Variants in SHISA9 observed in about 807,000 individuals in gnomAD.
SHISA9 encodes the protein shisa family member 9.
A neutral mutation model predicts 38.0 loss-of-function variants in SHISA9; 13 were observed. The ratio of observed to expected loss-of-function variants is 0.34; its 90% confidence interval spans 0.22 to 0.54. SHISA9 has a LOEUF of 0.54. Ranked by LOEUF, SHISA9 falls within the 20% of genes least tolerant of loss-of-function variation. The pLI, the probability that SHISA9 is intolerant of heterozygous loss-of-function variation, is 0.91. For synonymous variants in SHISA9, 275 were observed against 242.0 expected, an observed-to-expected ratio of 1.14 and a Z score of -1.27; for missense variants, 538 against 575.8, an observed-to-expected ratio of 0.93 and a Z score of 0.67.
chr16:13,008,978 C>A (rs2072636572), intron 2 of SHISA9, among the ~76,000 whole-genome samples: 2 of 151,962 alleles, frequency 1.3e-5, no homozygotes, highest in African/African-American at 4.8e-5. Context: ...ATCCACAGTT[C>A]CAAAGTCTTT....
At chr16:12,983,009 C>T (rs2072260780) in intron 2 of SHISA9, among the ~76,000 whole-genome samples, 1 of 152,298 alleles carries the variant, frequency 6.6e-6, no homozygotes, top group Admixed American at 6.5e-5. Flanking sequence ...CACAGCTACT[C>T]TTGTGAGGTG....
chr16:13,535,777 A>G, the SHISA9 span, among the ~76,000 whole-genome samples: 1 of 152,162 alleles, frequency 6.6e-6, no homozygotes, highest in Admixed American at 6.5e-5. Flanking sequence ...TAGGACACAA[A>G]TCATATCTTA....
chr16:13,019,837 TCC>T (rs1423259617), intron 2 of SHISA9, among the ~76,000 whole-genome samples: 96 of 76,848 alleles, frequency 1.2e-3, no homozygotes, highest in Middle Eastern at 5.4e-3. Context: ...TCTTTCTTTT[TCC>T]TTCCTTCCCT....
the SHISA9 span, among the ~76,000 whole-genome samples, chr16:13,484,404 C>T: frequency 6.6e-6 from 1 of 152,186 alleles, no homozygotes; most frequent in Non-Finnish European, 1.5e-5. Flanking sequence ...ATGTGTGCCT[C>T]TACAGCACCA....
chr16:13,277,890 A>G, the SHISA9 span, among the ~76,000 whole-genome samples: 1 of 152,002 alleles, frequency 6.6e-6, no homozygotes, highest in African/African-American at 2.4e-5. Flanking sequence ...CTCTTTACTG[A>G]TTTGGATGCC....
the SHISA9 span, among the ~76,000 whole-genome samples, chr16:13,496,252 C>T: frequency 1.3e-5 from 2 of 151,946 alleles, no homozygotes; most frequent in Admixed American, 6.6e-5. Context: ...TCCATAACAT[C>T]AAGTTTTGAG....
chr16:13,071,639 C>A (rs1200186195), intron 2 of SHISA9, among the ~76,000 whole-genome samples: 4 of 149,288 alleles, frequency 2.7e-5, no homozygotes, highest in African/African-American at 1.0e-4. Flanking sequence ...TCCTTCCTTC[C>A]CTCCTTCCTG....
intron 2 of SHISA9, among the ~76,000 whole-genome samples, chr16:13,177,856 G>A (rs2050744900): frequency 6.6e-6 from 1 of 152,068 alleles, no homozygotes; most frequent in African/African-American, 2.4e-5. Context: ...TTTTAGTACA[G>A]AAGGGGTTTC....
intron 2 of SHISA9, among the ~76,000 whole-genome samples, chr16:13,115,616 A>G (rs934195094): frequency 6.6e-6 from 1 of 152,196 alleles, no homozygotes; most frequent in African/African-American, 2.4e-5. Flanking sequence ...AGTGCTGCAG[A>G]GATTTTATTT....
At chr16:12,970,060 G>A (rs1239309204) in intron 2 of SHISA9, among the ~76,000 whole-genome samples, 2 of 151,460 alleles carry the variant, frequency 1.3e-5, no homozygotes, top group South Asian at 4.2e-4. Context: ...TTCTTGAACT[G>A]AACTGTGAAT....
intron 2 of SHISA9, among the ~76,000 whole-genome samples, chr16:13,140,997 C>G (rs1163806800): frequency 6.6e-6 from 1 of 152,088 alleles, no homozygotes; most frequent in Non-Finnish European, 1.5e-5. Context: ...CATGAAAGCC[C>G]TGGTGTATTA....
chr16:13,397,537 C>T, the SHISA9 span, among the ~76,000 whole-genome samples: 42 of 152,270 alleles, frequency 2.8e-4, no homozygotes, highest in Non-Finnish European at 4.6e-4. Context: ...TGGGTTCAAG[C>T]GATTCTCCTG....
intron 2 of SHISA9, among the ~76,000 whole-genome samples, chr16:13,182,347 G>A (rs1288735952): frequency 6.6e-6 from 1 of 152,138 alleles, no homozygotes; most frequent in East Asian, 1.9e-4. Flanking sequence ...ACCATCCTCT[G>A]GGTTTAGGAA....
At chr16:13,401,458 G>A in the SHISA9 span, among the ~76,000 whole-genome samples, 3 of 152,174 alleles carry the variant, frequency 2.0e-5, no homozygotes, top group African/African-American at 7.2e-5. Flanking sequence ...AAATGTCTGT[G>A]TTCCCCCAGT....
At chr16:13,363,682 C>T in the SHISA9 span, among the ~76,000 whole-genome samples, 3 of 152,188 alleles carry the variant, frequency 2.0e-5, no homozygotes, top group African/African-American at 7.2e-5. Flanking sequence ...CAGAGACAAG[C>T]AGGATGCAGC....
At chr16:12,992,881 G>A (rs1271034238) in intron 2 of SHISA9, among the ~76,000 whole-genome samples, 1 of 152,122 alleles carries the variant, frequency 6.6e-6, no homozygotes. Context: ...TTTATCTCTT[G>A]GATTCTTCCC....
chr16:13,079,642 A>G (rs564991397), intron 2 of SHISA9, among the ~76,000 whole-genome samples: 33 of 152,300 alleles, frequency 2.2e-4, no homozygotes, highest in Admixed American at 5.9e-4. Flanking sequence ...TCTCCTGACA[A>G]TGCTCTCTGT....
chr16:13,157,609 T>C (rs1242206288), intron 2 of SHISA9, among the ~76,000 whole-genome samples: 1 of 152,196 alleles, frequency 6.6e-6, no homozygotes, highest in Non-Finnish European at 1.5e-5. Context: ...GTGACTAAAA[T>C]TGCTATTGCT....
the SHISA9 span, among the ~76,000 whole-genome samples, chr16:13,534,512 A>G: frequency 6.6e-6 from 1 of 152,216 alleles, no homozygotes; most frequent in Non-Finnish European, 1.5e-5. Context: ...GGTGTGAGTC[A>G]CCATGCCAGG....
Sources: allele counts gnomAD v4.1 joint callset (sites outside exome capture counted in the v4.1 genomes callset), GRCh38; gene constraint gnomAD v4.1.1; transcripts MANE v1.5; gene names NCBI Gene and HGNC (gene_info 2026-07-23, HGNC 2026-07-21).